Variants in SLC25A26 observed in about 807,000 individuals in gnomAD.
SLC25A26 encodes solute carrier family 25 member 26, also known as mitochondrial S-adenosylmethionine carrier protein.
In SLC25A26, 36 loss-of-function variants were observed where a neutral mutation model predicts 37.8. That is an observed-to-expected ratio of 0.95 (90% CI 0.73 to 1.26). The LOEUF (loss-of-function observed/expected upper bound fraction) is 1.26. Among genes scored for constraint, SLC25A26 ranks in the 50% most tolerant of loss-of-function variants. The probability of loss-of-function intolerance (pLI) is 0.00; values close to 1 mark genes in which losing one functional copy is unlikely to be tolerated. For synonymous variants in SLC25A26, 129 were observed against 122.5 expected, an observed-to-expected ratio of 1.05 and a Z score of -0.35; for missense variants, 390 against 331.1, an observed-to-expected ratio of 1.18 and a Z score of -1.38.
chr3:66,341,659 A>G (rs1192960984), intron 5 of SLC25A26, among the ~76,000 whole-genome samples: 1 of 152,020 alleles, frequency 6.6e-6, no homozygotes, highest in Non-Finnish European at 1.5e-5. Flanking sequence ...TCTTTTACTC[A>G]TGTGTTTATT....
At position 66,240,784 on chromosome 3, in the gene SLC25A26, C is replaced by G. The variant is rs1261103375; in HGVS notation, c.191-2419C>G. On this transcript the variant is annotated intron_variant, in intron 2 of 9. Transcript: ENST00000354883. ...TTTTTGAGACAGAGTCTCACTCTTT[C>G]ACCCAGGCTGGAGTGCAGTGGTGCG... 3.8e-5 allele frequency among the ~76,000 whole-genome samples: 5 copies of G among 130,472 alleles called. No homozygotes were observed. The Middle Eastern group carries it at 0.012, about 318-fold the overall frequency. 85.6% of individuals were successfully genotyped at this position (130,472 alleles called of 152,430 possible).
At chr3:66,353,032 G>A (rs1448406539) in intron 6 of SLC25A26, among the ~76,000 whole-genome samples, 1 of 152,218 alleles carries the variant, frequency 6.6e-6, no homozygotes, top group Non-Finnish European at 1.5e-5. Context: ...CTGTGTGCCA[G>A]GCTCTGGGTT....
intron 1 of SLC25A26, among the ~76,000 whole-genome samples, chr3:66,209,706 T>C (rs2071249315): frequency 1.4e-5 from 2 of 138,322 alleles, no homozygotes; most frequent in South Asian, 4.6e-4. Flanking sequence ...TATAAATATA[T>C]AGATATATAT....
intron 6 of SLC25A26, among the ~76,000 whole-genome samples, chr3:66,351,292 A>G (rs2076447488): frequency 6.6e-6 from 1 of 152,114 alleles, no homozygotes. Context: ...TTTATTATAC[A>G]TATGCTTACA....
chr3:66,306,318 G>A (rs1195843093), intron 5 of SLC25A26, among the ~76,000 whole-genome samples: 5 of 152,288 alleles, frequency 3.3e-5, no homozygotes, highest in Admixed American at 1.3e-4. Flanking sequence ...TGTGAATGGC[G>A]TGAGACGGTA....
intron 5 of SLC25A26, among the ~76,000 whole-genome samples, chr3:66,302,192 C>G (rs771133363): frequency 1.3e-5 from 2 of 152,180 alleles, no homozygotes; most frequent in Non-Finnish European, 2.9e-5. Flanking sequence ...AATTTGCCCA[C>G]TTGGCACCTC....
intron 1 of SLC25A26, among the ~76,000 whole-genome samples, chr3:66,203,624 C>T (rs1157205162): frequency 1.3e-5 from 2 of 152,078 alleles, no homozygotes; most frequent in East Asian, 3.8e-4. Context: ...AAAATTAGAG[C>T]ATGGTTTTTA....
intron 1 of SLC25A26, among the ~76,000 whole-genome samples, chr3:66,152,689 G>A (rs530787592): frequency 6.9e-6 from 1 of 145,888 alleles, no homozygotes; most frequent in South Asian, 2.4e-4. Context: ...TATATCTGGG[G>A]TAGGGTGGGA....
intron 2 of SLC25A26, among the ~76,000 whole-genome samples, chr3:66,241,361 A>G (rs2072576518): frequency 6.6e-6 from 1 of 152,198 alleles, no homozygotes; most frequent in Admixed American, 6.5e-5. Flanking sequence ...ACATGTCACA[A>G]AGTCCCTATC....
chr3:66,147,086 C>CCCCTCCCCTCCCTT (rs1164840743), intron 1 of SLC25A26, among the ~76,000 whole-genome samples: 1 of 2,532 alleles, frequency 3.9e-4, no homozygotes, highest in East Asian at 0.021. Flanking sequence ...TCCCTCCCCT[C>CCCCTCCCCTCCCTT]CCCTCCCCTC....
intron 1 of SLC25A26, among the ~76,000 whole-genome samples, chr3:66,180,662 G>C (rs1195444987): frequency 1.3e-5 from 2 of 152,074 alleles, no homozygotes; most frequent in Non-Finnish European, 2.9e-5. Flanking sequence ...TTTTGCTGCA[G>C]TGCCTGTTGT....
chr3:66,295,633 C>T (rs776226627), intron 5 of SLC25A26, among the ~76,000 whole-genome samples: 1 of 151,760 alleles, frequency 6.6e-6, no homozygotes, highest in Non-Finnish European at 1.5e-5. Context: ...GATCTCCTGA[C>T]TTCGTGATCC....
chr3:66,357,927 C>T (rs2076614340), intron 6 of SLC25A26, among the ~76,000 whole-genome samples: 1 of 152,184 alleles, frequency 6.6e-6, no homozygotes, highest in Non-Finnish European at 1.5e-5. Flanking sequence ...ACTTGCCCCT[C>T]ACCTGTTTTT....
At chr3:66,198,861 G>A (rs1224439113) in intron 1 of SLC25A26, among the ~76,000 whole-genome samples, 15 of 151,088 alleles carry the variant, frequency 9.9e-5, no homozygotes, top group Middle Eastern at 3.4e-3. Context: ...ACCTTCACAC[G>A]CGTTTTGACC....
chr3:66,235,460 C>CT (rs1230176126), intron 1 of SLC25A26, among the ~76,000 whole-genome samples: 1 of 1,524 alleles, frequency 6.6e-4, no homozygotes, highest in Non-Finnish European at 3.8e-3. Flanking sequence ...GAATTTAGCT[C>CT]TTAAAAAAAT....
chr3:66,209,898 T>TATATATATATATA (rs2071256377), intron 1 of SLC25A26, among the ~76,000 whole-genome samples: 4 of 38,616 alleles, frequency 1.0e-4, no homozygotes, highest in Non-Finnish European at 1.5e-4. Flanking sequence ...CTCTCTCTAT[T>TATATATATATATA]TATATATATA....
chr3:66,238,579 C>T (rs971490194), intron 2 of SLC25A26, among the ~76,000 whole-genome samples: 3 of 152,030 alleles, frequency 2.0e-5, no homozygotes, highest in African/African-American at 7.2e-5. Flanking sequence ...GACGGGGTTT[C>T]ACCATGTTAT....
At chr3:66,178,982 C>CATG (rs911257786) in intron 1 of SLC25A26, among the ~76,000 whole-genome samples, 3 of 152,118 alleles carry the variant, frequency 2.0e-5, no homozygotes, top group Non-Finnish European at 4.4e-5. Context: ...CAGACAGGAA[C>CATG]ATGAGGCTTG....
chr3:66,370,453 C>T, intron 8 of SLC25A26, 76 bp from the exon 9 acceptor site: 1 of 1,160,706 alleles, frequency 8.6e-7, no homozygotes, highest in Non-Finnish European at 1.3e-6. Flanking sequence ...AGCTGTGTGT[C>T]TGAGGATATC....
Sources: gnomAD v4.1 joint callset for allele counts (sites outside exome capture counted in the v4.1 genomes callset) on GRCh38, gnomAD v4.1.1 for gene constraint, MANE v1.5 for transcripts, NCBI Gene and HGNC (gene_info 2026-07-23, HGNC 2026-07-21) for gene names.